TMEM181: variants seen among roughly 807,000 people sequenced by gnomAD.
TMEM181 encodes the protein G protein-coupled receptor 178.
TMEM181 carries 39 observed loss-of-function variants against 71.9 expected under a neutral mutation model. The observed-to-expected ratio is 0.54, with a 90% CI of 0.42 to 0.71. The LOEUF is 0.71. Among genes scored for constraint, TMEM181 ranks in the 30% least tolerant of loss-of-function variants. The probability of loss-of-function intolerance (pLI) is 0.00; values close to 1 mark genes in which losing one functional copy is unlikely to be tolerated. For synonymous variants in TMEM181, 245 were observed against 228.8 expected (o/e 1.07, Z -0.64); for missense variants, 595 against 583.0 (o/e 1.02, Z -0.21).
At chr6:158,571,554 T>C (rs952977450) in intron 1 of TMEM181, among the ~76,000 whole-genome samples, 1 of 151,382 alleles carries the variant, frequency 6.6e-6, no homozygotes, top group Admixed American at 6.6e-5. Flanking sequence ...CGCCTTGGCC[T>C]CCCAAAGTGC....
chr6:158,560,042 C>G, upstream of TMEM181: 4 of 985,206 alleles, frequency 4.1e-6, no homozygotes, highest in Non-Finnish European at 4.8e-6. Flanking sequence ...CGCCCTCTTC[C>G]GCCGTGAGAG....
chr6:158,536,891 G>C (rs775512579), intron 1 of TMEM181: 6 of 1,322,150 alleles, frequency 4.5e-6, no homozygotes, highest in South Asian at 4.7e-5. Context: ...GCAGCGGCGG[G>C]GCGGCCGGAG....
In TMEM181 at chr6:158,597,575, G is replaced by A. The variant is rs571689030; in HGVS notation, c.493-7692G>A. 1.1e-4 allele frequency among the ~76,000 whole-genome samples: 16 copies of A among 152,202 alleles called. 1 individual carries two copies. Among genetic ancestry groups the A allele is most frequent in the African/African-American group, 3.4e-4 (14 of 41,540 alleles). ...GAGTGCAGTGGCACGATCACATCTC[G>A]GTGCAGTATCAACCTCCCAGCCTCA... On this transcript the variant is annotated intron_variant, in intron 6 of 16. Coordinates refer to ENST00000684151, the MANE Select transcript of TMEM181 (RefSeq NM_001376852.1).
At chr6:158,605,426 C>T (rs889783412) in intron 7 of TMEM181, 79 bp downstream of exon 7, 35 of 1,307,270 alleles carry the variant, frequency 2.7e-5, no homozygotes, top group Admixed American at 1.2e-4. Flanking sequence ...ATCTTCGGTG[C>T]AAGCCACATG....
Position 158,632,269 on chromosome 6 carries a change from A to C in TMEM181, c.*381A>C. ...AGCCTGTGACTAGGTCCTCAGCGTG[A>C]CAGCATCACCCTCTTTCTTCCCTTT... On this transcript the variant is annotated 3_prime_UTR_variant, in exon 17 of 17. Transcript: ENST00000684151. 4.5e-6 allele frequency: 1 copy of C among 223,956 alleles called. No homozygotes were observed. Among genetic ancestry groups the C allele is most frequent in the South Asian group, 5.7e-5 (1 of 17,600 alleles). The allele number at this position is 223,956 out of a possible 1,614,324, so 13.9% of individuals were successfully genotyped here. A position where few individuals can be genotyped will look rare whatever the true frequency, so the allele number is the denominator to read the frequency against.
chr6:158,576,514 G>A (rs1783164948), intron 2 of TMEM181, among the ~76,000 whole-genome samples: 1 of 152,072 alleles, frequency 6.6e-6, no homozygotes, highest in Admixed American at 6.6e-5. Flanking sequence ...TTTCTCGGGA[G>A]TCAGACATAG....
At chr6:158,578,331 C>T (rs555741912) in intron 2 of TMEM181, among the ~76,000 whole-genome samples, 1 of 152,110 alleles carries the variant, frequency 6.6e-6, no homozygotes. Flanking sequence ...TATAAAAGCT[C>T]ATATTATTGT....
At chr6:158,564,544 C>T (rs1049276860) in intron 1 of TMEM181, among the ~76,000 whole-genome samples, 4 of 152,204 alleles carry the variant, frequency 2.6e-5, no homozygotes, top group African/African-American at 9.7e-5. Context: ...ATCCAAAATG[C>T]TTTCAAACAG....
chr6:158,568,076 G>A (rs1002752295), intron 1 of TMEM181, among the ~76,000 whole-genome samples: 9 of 152,092 alleles, frequency 5.9e-5, no homozygotes, highest in African/African-American at 1.7e-4. Flanking sequence ...GGACTGGCGT[G>A]CTGGGGATGA....
intron 6 of TMEM181, among the ~76,000 whole-genome samples, chr6:158,599,731 G>A (rs900168225): frequency 2.0e-5 from 3 of 152,194 alleles, no homozygotes; most frequent in African/African-American, 4.8e-5. Flanking sequence ...GGGATCCAGC[G>A]CGCCTGGAGG....
intron 8 of TMEM181, among the ~76,000 whole-genome samples, chr6:158,607,994 G>A (rs1785049233): frequency 6.6e-6 from 1 of 152,260 alleles, no homozygotes; most frequent in Non-Finnish European, 1.5e-5. Context: ...GGGAGGAGCT[G>A]ATGGCAGTGG....
intron 12 of TMEM181, 98 bp downstream of exon 12, chr6:158,625,304 A>C: frequency 9.5e-7 from 1 of 1,056,946 alleles, no homozygotes; most frequent in Non-Finnish European, 1.5e-6. Flanking sequence ...GCCTTCCTTG[A>C]GGGCCCAGGG....
chr6:158,621,444 G>C, intron 10 of TMEM181: 1 of 218,590 alleles, frequency 4.6e-6, no homozygotes, highest in South Asian at 8.9e-5. Context: ...CCTCGGCGAA[G>C]CAAGCCACAC....
intron 1 of TMEM181, among the ~76,000 whole-genome samples, chr6:158,561,531 G>T (rs180866006): frequency 1.3e-5 from 2 of 152,318 alleles, no homozygotes; most frequent in Admixed American, 1.3e-4. Flanking sequence ...CTGCCCCTTG[G>T]AGCTGCATAG....
chr6:158,602,556 C>T (rs1301185940), intron 6 of TMEM181, among the ~76,000 whole-genome samples: 1 of 151,900 alleles, frequency 6.6e-6, no homozygotes. Flanking sequence ...TGAATTTTGG[C>T]TGTTCTAATC....
chr6:158,616,615 G>T (rs1022569293), intron 10 of TMEM181, among the ~76,000 whole-genome samples: 33 of 152,196 alleles, frequency 2.2e-4, no homozygotes, highest in Non-Finnish European at 3.8e-4. Flanking sequence ...GATATTGGCT[G>T]TGGGTTTGTC....
chr6:158,576,898 TAAAA>T (rs1378479853), intron 2 of TMEM181, among the ~76,000 whole-genome samples: 1 of 151,754 alleles, frequency 6.6e-6, no homozygotes, highest in Non-Finnish European at 1.5e-5. Context: ...CCATCTCTGC[TAAAA>T]ATACAAAAAA....
chr6:158,623,665 C>G, intron 11 of TMEM181, 58 bp downstream of exon 11: 2 of 1,256,982 alleles, frequency 1.6e-6, no homozygotes, highest in Non-Finnish European at 2.2e-6. Context: ...TGTAAAATTA[C>G]TGAATTTTGT....
At chr6:158,566,961 T>G (rs1782544728) in intron 1 of TMEM181, among the ~76,000 whole-genome samples, 1 of 152,184 alleles carries the variant, frequency 6.6e-6, no homozygotes, top group South Asian at 2.1e-4. Context: ...AAAGGTGTGT[T>G]TAGTTTTTCT....
Sources: allele counts gnomAD v4.1 joint callset (sites outside exome capture counted in the v4.1 genomes callset), GRCh38; gene constraint gnomAD v4.1.1; transcripts MANE v1.5; gene names NCBI Gene and HGNC (gene_info 2026-07-23, HGNC 2026-07-21).